Variants in ATXN7L1 observed in about 807,000 individuals in gnomAD.
ATXN7L1 encodes ataxin 7 like 1, also known as ataxin-7-like protein 1.
Under a neutral mutation model 70.8 loss-of-function variants are expected in ATXN7L1, and 15 were observed. The ratio of observed to expected loss-of-function variants is 0.21; its 90% CI spans 0.14 to 0.33. ATXN7L1 has a LOEUF of 0.33. ATXN7L1 is among the 10% of genes least tolerant of loss of function. The pLI, the probability that ATXN7L1 is intolerant of heterozygous loss-of-function variation, is 1.00. For synonymous variants in ATXN7L1, 440 were observed against 445.1 expected, an observed-to-expected ratio of 0.99 and a Z score of 0.14; for missense variants, 975 against 1,097.1, an observed-to-expected ratio of 0.89 and a Z score of 1.57.
At chr7:105,803,205 G>C (rs1687774522) in intron 2 of ATXN7L1, among the ~76,000 whole-genome samples, 1 of 152,262 alleles carries the variant, frequency 6.6e-6, no homozygotes, top group Non-Finnish European at 1.5e-5. Context: ...TTGTAGAGTG[G>C]CCCCTACATT....
chr7:105,727,362 C>T (rs921710849), intron 3 of ATXN7L1, among the ~76,000 whole-genome samples: 2 of 151,986 alleles, frequency 1.3e-5, no homozygotes, highest in African/African-American at 4.8e-5. Flanking sequence ...TATATGGTAC[C>T]GTTTATGTTG....
intron 3 of ATXN7L1, among the ~76,000 whole-genome samples, chr7:105,781,541 C>T (rs999874620): frequency 6.6e-6 from 1 of 152,204 alleles, no homozygotes. Flanking sequence ...CCCACCACAG[C>T]TCTGACAAGA....
intron 3 of ATXN7L1, among the ~76,000 whole-genome samples, chr7:105,736,913 T>G (rs973652604): frequency 6.6e-6 from 1 of 152,242 alleles, no homozygotes; most frequent in African/African-American, 2.4e-5. Context: ...AGATGTGTTC[T>G]TTTTAGGTTT....
intron 4 of ATXN7L1, among the ~76,000 whole-genome samples, chr7:105,663,815 G>A (rs1052783650): frequency 1.3e-5 from 2 of 152,072 alleles, no homozygotes; most frequent in Middle Eastern, 6.8e-3. Flanking sequence ...ATCCAGGCTG[G>A]AGCGCAGTGG....
chr7:105,773,442 C>T (rs528796662), intron 3 of ATXN7L1, among the ~76,000 whole-genome samples: 3 of 152,260 alleles, frequency 2.0e-5, no homozygotes, highest in East Asian at 1.9e-4. Context: ...CCTTGAATTG[C>T]CCCTGGGACC....
intron 2 of ATXN7L1, among the ~76,000 whole-genome samples, chr7:105,791,501 C>A (rs886434186): frequency 6.6e-6 from 1 of 152,100 alleles, no homozygotes; most frequent in Non-Finnish European, 1.5e-5. Flanking sequence ...CGGAGATGAC[C>A]CTTCTTGGGC....
At chr7:105,611,544 G>A (rs954317585) in intron 10 of ATXN7L1, among the ~76,000 whole-genome samples, 2 of 152,100 alleles carry the variant, frequency 1.3e-5, no homozygotes, top group East Asian at 3.9e-4. Context: ...GCTAATTTTT[G>A]TATTTTTAAT....
Position 105,697,509 on chromosome 7 carries a change from C to T in ATXN7L1, c.356-32221G>A, listed in dbSNP as rs550134982. On this transcript the variant is annotated intron_variant, in intron 3 of 11. Coordinates refer to ENST00000419735, the MANE Select transcript of ATXN7L1 (RefSeq NM_020725.2). Reference sequence around the variant, plus strand: ...TTACTCTCTGAACAATTGCTGTTATCCTGTTCTTTTTTCAAGGTGCCCACA... The same window carrying T: ...TTACTCTCTGAACAATTGCTGTTATTCTGTTCTTTTTTCAAGGTGCCCACA... Among the ~76,000 whole-genome samples the T allele has an allele frequency of 5.3e-5, 8 of 152,340 alleles. No individual in the cohort carries two copies. The South Asian group carries it at 1.7e-3, about 32-fold the overall frequency.
In ATXN7L1 at chr7:105,614,564, G is replaced by C; in HGVS notation, c.1770C>G (p.Thr590=). The C allele has an allele frequency of 6.5e-7, 1 of 1,549,738 alleles. No individual in the cohort carries two copies. Among genetic ancestry groups the C allele is most frequent in the South Asian group, 1.2e-5 (1 of 83,698 alleles). The change falls in exon 10 of 12, where the codon ACC becomes ACG. Residue 590 remains threonine, a synonymous_variant. Coordinates refer to ENST00000419735, the MANE Select transcript of ATXN7L1 (RefSeq NM_020725.2). This position sits in a 1 kb window ranked among gnomAD's most constrained non-coding sequence, Gnocchi z 4.3. ...HTTAFPHVAA[T]LSIMDSTFKA... is the part of the protein sequence containing the mutation. ...TGAAGGTTGAGTCCATGATGCTGAGGGTTGCGGCCACATGAGGGAAAGCTG... is the reference window on the plus strand; with the variant it reads ...TGAAGGTTGAGTCCATGATGCTGAGCGTTGCGGCCACATGAGGGAAAGCTG...
chr7:105,802,187 C>T (rs1157366786), intron 2 of ATXN7L1, among the ~76,000 whole-genome samples: 5 of 152,190 alleles, frequency 3.3e-5, no homozygotes, highest in African/African-American at 9.7e-5. Flanking sequence ...AAGGCATAGA[C>T]GCTTCAGGGT....
At chr7:105,668,549 G>A (rs1158342236) in intron 3 of ATXN7L1, among the ~76,000 whole-genome samples, 1 of 152,084 alleles carries the variant, frequency 6.6e-6, no homozygotes, top group Non-Finnish European at 1.5e-5. Context: ...AGTCTCCCAA[G>A]TAGCTGGGAT....
At chr7:105,690,965 C>T (rs1180208099) in intron 3 of ATXN7L1, among the ~76,000 whole-genome samples, 1 of 152,170 alleles carries the variant, frequency 6.6e-6, no homozygotes, top group Non-Finnish European at 1.5e-5. Context: ...AAAGCATGAG[C>T]CCATATGCCA....
chr7:105,870,023 T>C (rs1237195243), intron 2 of ATXN7L1, among the ~76,000 whole-genome samples: 1 of 152,216 alleles, frequency 6.6e-6, no homozygotes, highest in African/African-American at 2.4e-5. Context: ...GGCTCATGCC[T>C]GTAATCCCAG....
At chr7:105,780,452 T>C (rs1389235972) in intron 3 of ATXN7L1, among the ~76,000 whole-genome samples, 1 of 151,856 alleles carries the variant, frequency 6.6e-6, no homozygotes, top group Admixed American at 6.6e-5. Flanking sequence ...TTCAAAAATA[T>C]AATCAGAAAA....
intron 3 of ATXN7L1, among the ~76,000 whole-genome samples, chr7:105,743,991 T>C (rs780952551): frequency 3.9e-5 from 6 of 152,174 alleles, no homozygotes; most frequent in Non-Finnish European, 8.8e-5. Flanking sequence ...AACCCTTTAA[T>C]GGGTTTGAAA....
At position 105,614,878 on chromosome 7, in the gene ATXN7L1, G is replaced by A; in HGVS notation, c.1518-62C>T. On this transcript the variant is annotated intron_variant, in intron 9 of 11. Coordinates refer to ENST00000419735, the MANE Select transcript of ATXN7L1 (RefSeq NM_020725.2). The surrounding 1 kb of genome is among the most constrained non-coding windows in gnomAD (Gnocchi z 4.3). ...ACATCGGGTTGGCATTGCTCAGGAG[G>A]CTCGATGACGTTTGAGGATCAGGGC... is the stretch of plus-strand genomic sequence containing the variant. The A allele has an allele frequency of 1.3e-6, 2 of 1,493,994 alleles. No homozygotes were observed. Among genetic ancestry groups the A allele is most frequent in the African/African-American group, 1.4e-5 (1 of 71,770 alleles). 92.5% of individuals were successfully genotyped at this position (1,493,994 alleles called of 1,614,324 possible).
chr7:105,738,642 G>A lies in ATXN7L1; in HGVS notation c.355+49962C>T, dbSNP rs150979886. 4.0e-3 allele frequency among the ~76,000 whole-genome samples: 613 copies of A among 152,334 alleles called. 7 individuals are homozygous for A. The highest frequency in any genetic ancestry group is 0.014 in the African/African-American group (593 of 41,582). On this transcript the variant is annotated intron_variant, in intron 3 of 11. Coordinates refer to ENST00000419735, the MANE Select transcript of ATXN7L1 (RefSeq NM_020725.2). ...ATGATTTTTCCAAGACTACACAACT[G>A]TCTAGTAGTTGAGTTGGGATTTGAA...
At chr7:105,845,822 T>C (rs1337428811) in intron 2 of ATXN7L1, among the ~76,000 whole-genome samples, 1 of 152,136 alleles carries the variant, frequency 6.6e-6, no homozygotes. Flanking sequence ...TTTCAAAAAA[T>C]GATGCTGAGA....
At chr7:105,845,895 C>T (rs1813959106) in intron 2 of ATXN7L1, among the ~76,000 whole-genome samples, 1 of 152,096 alleles carries the variant, frequency 6.6e-6, no homozygotes, top group South Asian at 2.1e-4. Flanking sequence ...CAAAAACATA[C>T]CTCGAAAGAC....
Sources: gnomAD v4.1 joint callset for allele counts (sites outside exome capture counted in the v4.1 genomes callset) on GRCh38, gnomAD v4.1.1 for gene constraint, Gnocchi (gnomAD v3.1) non-coding constraint, MANE v1.5 for transcripts, NCBI Gene and HGNC (gene_info 2026-07-23, HGNC 2026-07-21) for gene names.